FHIT: variants seen among roughly 807,000 people sequenced by gnomAD.
FHIT encodes fragile histidine triad diadenosine triphosphatase.
Under a neutral mutation model 17.9 loss-of-function variants are expected in FHIT, and 19 were observed. The ratio of observed to expected loss-of-function variants is 1.06; its 90% CI spans 0.74 to 1.56. The LOEUF (loss-of-function observed/expected upper bound fraction) is 1.56. FHIT is among the 40% of genes most tolerant of loss of function. The probability of loss-of-function intolerance (pLI) is 0.00; values close to 1 mark genes in which losing one functional copy is unlikely to be tolerated. For missense variants in FHIT, 248 were observed against 189.2 expected, an observed-to-expected ratio of 1.31 and a Z score of -1.82; for synonymous variants, 81 against 69.7, an observed-to-expected ratio of 1.16 and a Z score of -0.81.
chr3:60,985,172 C>T (rs1303214748), intron 3 of FHIT, among the ~76,000 whole-genome samples: 1 of 152,166 alleles, frequency 6.6e-6, no homozygotes, highest in Admixed American at 6.5e-5. Context: ...TTCACCTCCT[C>T]CCACACCTTC....
intron 7 of FHIT, among the ~76,000 whole-genome samples, chr3:59,924,614 TA>T (rs1211686193): frequency 6.6e-6 from 1 of 152,144 alleles, no homozygotes; most frequent in Non-Finnish European, 1.5e-5. Flanking sequence ...TTTTATTATT[TA>T]AAAAAACAAA....
intron 2 of FHIT, among the ~76,000 whole-genome samples, chr3:61,062,098 A>AT (rs1414612965): frequency 6.6e-6 from 1 of 152,178 alleles, no homozygotes; most frequent in Non-Finnish European, 1.5e-5. Context: ...TTGGTCAAAT[A>AT]TATCTACAGA....
chr3:60,157,594 T>G (rs975574644), intron 5 of FHIT, among the ~76,000 whole-genome samples: 1 of 152,108 alleles, frequency 6.6e-6, no homozygotes, highest in Non-Finnish European at 1.5e-5. Context: ...AAAGGCAGAG[T>G]AGAAGAAGCA....
chr3:61,137,480 T>C (rs774779425), intron 2 of FHIT, among the ~76,000 whole-genome samples: 1 of 152,078 alleles, frequency 6.6e-6, no homozygotes, highest in African/African-American at 2.4e-5. Context: ...GCTTACCTCT[T>C]TCAGAGCCCT....
intron 4 of FHIT, among the ~76,000 whole-genome samples, chr3:60,668,103 C>T (rs1716705): frequency 0.74 from 112,593 of 151,610 alleles, 42,396 homozygotes; most frequent in East Asian, 0.83. Context: ...GTCTTCTTGC[C>T]CCAGTGACTC....
chr3:60,465,684 A>C (rs2032747965), intron 5 of FHIT, among the ~76,000 whole-genome samples: 1 of 152,162 alleles, frequency 6.6e-6, no homozygotes, highest in Non-Finnish European at 1.5e-5. Flanking sequence ...AACTTTGTTG[A>C]AAATGAGTTT....
At chr3:61,141,939 T>G (rs2037094763) in intron 2 of FHIT, among the ~76,000 whole-genome samples, 1 of 151,366 alleles carries the variant, frequency 6.6e-6, no homozygotes, top group South Asian at 2.1e-4. Flanking sequence ...TCTCATTTAC[T>G]ACTCAAGTTT....
chr3:61,033,805 T>C (rs950997654), intron 3 of FHIT, among the ~76,000 whole-genome samples: 5 of 152,212 alleles, frequency 3.3e-5, no homozygotes, highest in African/African-American at 7.2e-5. Context: ...TGCAGGTCAC[T>C]ATTGCTGAAA....
chr3:60,739,729 G>T (rs940817599), intron 4 of FHIT, among the ~76,000 whole-genome samples: 1 of 152,120 alleles, frequency 6.6e-6, no homozygotes, highest in Non-Finnish European at 1.5e-5. Context: ...TCCCAGTTGA[G>T]AATCTCTAAT....
intron 5 of FHIT, among the ~76,000 whole-genome samples, chr3:60,121,304 T>G (rs1705235131): frequency 6.6e-6 from 1 of 152,152 alleles, no homozygotes; most frequent in Non-Finnish European, 1.5e-5. Context: ...TATAATAATG[T>G]ATATAACAAT....
At chr3:60,961,175 G>T (rs1709418836) in intron 3 of FHIT, among the ~76,000 whole-genome samples, 1 of 152,178 alleles carries the variant, frequency 6.6e-6, no homozygotes, top group Admixed American at 6.5e-5. Flanking sequence ...GCATTTCTCT[G>T]ACGGCCAGTG....
chr3:61,037,732 T>G (rs1171958754), intron 3 of FHIT, among the ~76,000 whole-genome samples: 1 of 152,256 alleles, frequency 6.6e-6, no homozygotes, highest in African/African-American at 2.4e-5. Flanking sequence ...CTCACTCATG[T>G]GTGCATGTCT....
chr3:60,372,107 T>C (rs571200372), intron 5 of FHIT, among the ~76,000 whole-genome samples: 285 of 152,302 alleles, frequency 1.9e-3, no homozygotes, highest in Non-Finnish European at 2.8e-3. Flanking sequence ...ATGCATCATG[T>C]ACTTTTACCC....
chr3:59,868,776 T>C (rs1173444863), intron 8 of FHIT, among the ~76,000 whole-genome samples: 1 of 152,172 alleles, frequency 6.6e-6, no homozygotes, highest in African/African-American at 2.4e-5. Flanking sequence ...AGGAAGTAGA[T>C]GGTTTTAACC....
At chr3:60,529,067 T>G (rs959712192) in intron 5 of FHIT, among the ~76,000 whole-genome samples, 1 of 152,214 alleles carries the variant, frequency 6.6e-6, no homozygotes, top group Non-Finnish European at 1.5e-5. Context: ...AAAGATAGTT[T>G]AGATTGCAAA....
intron 3 of FHIT, among the ~76,000 whole-genome samples, chr3:60,896,376 T>C (rs183640955): frequency 1.2e-4 from 19 of 152,212 alleles, no homozygotes; most frequent in Non-Finnish European, 2.4e-4. Context: ...ATTATAAATA[T>C]ATATTGAGTC....
Position 60,819,028 on chromosome 3 carries a change from TTTTTCTTTTC to T in FHIT, c.-18+2881_-18+2890del, listed in dbSNP as rs782267944. On this transcript the variant is annotated intron_variant, in intron 4 of 9. Transcript: ENST00000492590. ...CCAGGTAATTTCTTTTTTCTTTTCT[TTTTTCTTTTC>T]TTTTTTTTTTTTTTGTTTTTGGTCT... Among the ~76,000 whole-genome samples the T allele has an allele frequency of 6.2e-3, 882 of 143,366 alleles. 5 individuals are homozygous for T. Among genetic ancestry groups the T allele is most frequent in the African/African-American group, 0.02 (804 of 39,622 alleles). The allele number at this position is 143,366 out of a possible 152,430, so 94.1% of individuals were successfully genotyped here.
At chr3:60,473,993 A>T (rs530162141) in intron 5 of FHIT, among the ~76,000 whole-genome samples, 1 of 152,248 alleles carries the variant, frequency 6.6e-6, no homozygotes, top group East Asian at 1.9e-4. Flanking sequence ...GGGGAAAGAC[A>T]CATTATTTTG....
intron 5 of FHIT, among the ~76,000 whole-genome samples, chr3:60,459,224 T>C (rs941679058): frequency 6.6e-6 from 1 of 152,206 alleles, no homozygotes; most frequent in African/African-American, 2.4e-5. Flanking sequence ...TGAATTAGTA[T>C]ATTTTAAGGG....
Sources: gnomAD v4.1 joint callset for allele counts (sites outside exome capture counted in the v4.1 genomes callset) on GRCh38, gnomAD v4.1.1 for gene constraint, MANE v1.5 for transcripts, NCBI Gene and HGNC (gene_info 2026-07-23, HGNC 2026-07-21) for gene names.